The following NSUN6 variants were observed in gnomAD, a reference collection of about 807,000 sequenced individuals.
The protein encoded by NSUN6 is NOP2/Sun RNA methyltransferase 6.
A neutral mutation model predicts 58.0 loss-of-function variants in NSUN6; 64 were observed. That is an observed-to-expected ratio of 1.10 (90% confidence interval 0.90 to 1.36). The LOEUF (loss-of-function observed/expected upper bound fraction) is 1.36. Among genes scored for constraint, NSUN6 ranks in the 40% most tolerant of loss-of-function variants. The pLI is 0.00. For missense variants in NSUN6, 701 were observed against 550.1 expected, an observed-to-expected ratio of 1.27 and a Z score of -2.74; for synonymous variants, 231 against 193.9, an observed-to-expected ratio of 1.19 and a Z score of -1.59.
chr10:18,627,565 G>C (rs567511260), intron 3 of NSUN6, among the ~76,000 whole-genome samples: 5 of 152,312 alleles, frequency 3.3e-5, no homozygotes, highest in South Asian at 4.1e-4. Flanking sequence ...CACCGTGCCC[G>C]AGCCAAAGCA....
chr10:18,652,735 AT>A (rs2059730912), upstream of NSUN6: 1 of 426,674 alleles, frequency 2.3e-6, no homozygotes, highest in African/African-American at 2.2e-5. Flanking sequence ...AATCTTTGTA[AT>A]TTTAATAGAG....
chr10:18,555,710 G>A (rs1376853850), intron 8 of NSUN6, among the ~76,000 whole-genome samples: 1 of 151,184 alleles, frequency 6.6e-6, no homozygotes, highest in African/African-American at 2.4e-5. Flanking sequence ...GAATGGAATG[G>A]AGAATGGAAT....
chr10:18,584,161 C>G (rs1046510262), intron 8 of NSUN6, among the ~76,000 whole-genome samples: 2 of 152,172 alleles, frequency 1.3e-5, no homozygotes, highest in Admixed American at 1.3e-4. Context: ...GCACTTTCAT[C>G]CACCAGGAGG....
At chr10:18,563,730 C>CTCCAT (rs911965453) in intron 8 of NSUN6, among the ~76,000 whole-genome samples, 22 of 150,672 alleles carry the variant, frequency 1.5e-4, no homozygotes, top group Non-Finnish European at 2.7e-4. Flanking sequence ...CCGTTCCATT[C>CTCCAT]TCCATTCCAT....
At chr10:18,619,782 C>T (rs140676366) in intron 3 of NSUN6, among the ~76,000 whole-genome samples, 1 of 152,290 alleles carries the variant, frequency 6.6e-6, no homozygotes, top group East Asian at 1.9e-4. Context: ...AAACTTTTGA[C>T]TGTCAGTTGA....
intron 10 of NSUN6, 34 bp from the exon 11 acceptor site, chr10:18,546,179 A>G: frequency 7.2e-7 from 1 of 1,395,080 alleles, no homozygotes; most frequent in Non-Finnish European, 1.0e-6. Flanking sequence ...ATGGATGAAC[A>G]TCCTGTAATT....
intron 2 of NSUN6, among the ~76,000 whole-genome samples, chr10:18,645,012 G>A (rs2059501983): frequency 6.6e-6 from 1 of 151,666 alleles, no homozygotes; most frequent in Non-Finnish European, 1.5e-5. Context: ...ACAAAAATTA[G>A]CTGGGTGTCT....
intron 3 of NSUN6, among the ~76,000 whole-genome samples, chr10:18,621,618 G>A (rs372339368): frequency 9.2e-5 from 14 of 152,166 alleles, no homozygotes; most frequent in African/African-American, 3.1e-4. Flanking sequence ...TCCAAATAGA[G>A]TGCATCAACA....
At chr10:18,552,964 C>T (rs751397542) in intron 8 of NSUN6, among the ~76,000 whole-genome samples, 2 of 145,402 alleles carry the variant, frequency 1.4e-5, no homozygotes, top group Non-Finnish European at 3.1e-5. Flanking sequence ...CATTACATTC[C>T]ATTCTCCATT....
chr10:18,592,339 T>C (rs886925565), intron 7 of NSUN6, among the ~76,000 whole-genome samples: 5 of 152,090 alleles, frequency 3.3e-5, no homozygotes, highest in African/African-American at 7.2e-5. Context: ...CAAGCCACGA[T>C]TGTCTTTCTT....
intron 3 of NSUN6, among the ~76,000 whole-genome samples, chr10:18,624,741 G>C (rs2058731620): frequency 1.5e-5 from 1 of 65,578 alleles, no homozygotes; most frequent in Non-Finnish European, 3.6e-5. Flanking sequence ...AAAGTAACAG[G>C]CTTGAGACTG....
upstream of NSUN6, chr10:18,653,113 C>G: frequency 3.0e-6 from 3 of 985,098 alleles, no homozygotes; most frequent in Non-Finnish European, 3.6e-6. Context: ...ACCATAGCAC[C>G]ACTGATGGCT....
chr10:18,600,978 G>GTA (rs56983139), intron 6 of NSUN6, among the ~76,000 whole-genome samples: 1,146 of 76,696 alleles, frequency 0.015, 32 homozygotes, highest in African/African-American at 0.05. Flanking sequence ...ATATATATAT[G>GTA]TATATATATA....
chr10:18,589,947 A>C (rs1297898849), intron 7 of NSUN6, among the ~76,000 whole-genome samples: 2 of 152,216 alleles, frequency 1.3e-5, no homozygotes, highest in African/African-American at 4.8e-5. Flanking sequence ...GCCCCAATTA[A>C]AAGATACAGA....
At chr10:18,596,073 C>G in intron 7 of NSUN6, 135 bp downstream of exon 7, 1 of 672,098 alleles carries the variant, frequency 1.5e-6, no homozygotes, top group Non-Finnish European at 2.6e-6. Context: ...TATGTAGTGA[C>G]TGACATAACT....
chr10:18,657,164 A>C (rs2059786571), upstream of NSUN6, among the ~76,000 whole-genome samples: 1 of 152,138 alleles, frequency 6.6e-6, no homozygotes, highest in South Asian at 2.1e-4. Context: ...ACAGATCGAT[A>C]GGTACATCAG....
chr10:18,573,995 G>A (rs143240360), intron 8 of NSUN6, among the ~76,000 whole-genome samples: 10 of 152,156 alleles, frequency 6.6e-5, no homozygotes, highest in East Asian at 3.9e-4. Flanking sequence ...TAATCAAGTC[G>A]AGGAGCTGAA....
intron 3 of NSUN6, among the ~76,000 whole-genome samples, chr10:18,635,831 C>G (rs1364436688): frequency 2.0e-5 from 3 of 150,678 alleles, no homozygotes; most frequent in African/African-American, 4.9e-5. Context: ...GAGTGAGACT[C>G]TGTGTTGTTG....
intron 9 of NSUN6, chr10:18,551,606 TG>T: frequency 2.5e-6 from 1 of 406,404 alleles, no homozygotes. Flanking sequence ...TCACCCATGT[TG>T]TGCCTGTATC....
Sources: gnomAD v4.1 joint callset for allele counts (sites outside exome capture counted in the v4.1 genomes callset) on GRCh38, gnomAD v4.1.1 for gene constraint, MANE v1.5 for transcripts, NCBI Gene and HGNC (gene_info 2026-07-23, HGNC 2026-07-21) for gene names.